Variants in SESTD1 observed in about 807,000 individuals in gnomAD.
SESTD1 encodes SEC14 domain and spectrin repeat-containing protein 1.
SESTD1 carries 43 observed loss-of-function variants against 101.7 expected under a neutral mutation model. The observed-to-expected ratio is 0.42, with a 90% CI of 0.33 to 0.55. The LOEUF is 0.55. SESTD1 is among the 20% of genes least tolerant of loss of function. SESTD1 has a pLI of 0.07. For missense variants in SESTD1, 647 were observed against 815.1 expected (o/e 0.79, Z 2.51); for synonymous variants, 283 against 286.8 (o/e 0.99, Z 0.13).
At position 179,168,080 on chromosome 2, in the gene SESTD1, T is replaced by C. The variant is rs75595181; in HGVS notation, c.369+4040A>G. ...GGTGAGAAAGCACTTCTAAATACAG[T>C]TGACCCTTGAACAACTCAGGACTGA... On this transcript the variant is annotated intron_variant, in intron 5 of 17. Coordinates refer to ENST00000428443, the MANE Select transcript of SESTD1 (RefSeq NM_178123.5). Among the ~76,000 whole-genome samples, 1,300 of 152,254 alleles carry C rather than the reference T, an allele frequency of 8.5e-3. 10 individuals carry two copies. Among genetic ancestry groups the C allele is most frequent in the African/African-American group, 0.029 (1,211 of 41,558 alleles).
rs1165425974 is a variant in SESTD1, at chr2:179,112,764, G to A, written c.1921C>T (p.Leu641Phe). The A allele has an allele frequency of 6.2e-7, 1 of 1,613,116 alleles. No homozygotes were observed. The change falls in exon 17 of 18, where the codon CTT becomes TTT. Residue 641 changes from leucine (L) to phenylalanine (F), a missense_variant. By Grantham distance (22) the Leu-to-Phe change is conservative. Around this residue, in one of 3 missense-constraint regions of SESTD1, gnomAD observed 476 missense variants for 562.6 expected, o/e 0.85. Transcript: ENST00000428443. ...ACTGGAACAGTTAATCTATCCAAAAGTGATTTCCCAACTGCTTCAATTTCA... is the reference window on the plus strand; with the variant it reads ...ACTGGAACAGTTAATCTATCCAAAAATGATTTCCCAACTGCTTCAATTTCA... ...FDEIEAVGKS[L>F]LDRLTVPVVY...
chr2:179,174,497 A>G (rs1005755592), intron 4 of SESTD1: 8 of 457,964 alleles, frequency 1.7e-5, no homozygotes, highest in African/African-American at 1.6e-4. Context: ...AAGGAAGAAC[A>G]CAAGGTCATA....
intron 9 of SESTD1, among the ~76,000 whole-genome samples, chr2:179,142,969 G>A (rs922849098): frequency 3.9e-5 from 6 of 152,094 alleles, no homozygotes; most frequent in Admixed American, 6.6e-5. Flanking sequence ...AAACTAGGAC[G>A]TTTCCAGTTT....
intron 1 of SESTD1, among the ~76,000 whole-genome samples, chr2:179,210,371 A>G (rs1308240899): frequency 7.4e-6 from 1 of 134,440 alleles, no homozygotes; most frequent in Non-Finnish European, 1.6e-5. Flanking sequence ...AGAAAAGGAC[A>G]TAACAAAAAA....
chr2:179,221,514 G>T (rs2046814676), intron 1 of SESTD1, among the ~76,000 whole-genome samples: 1 of 151,918 alleles, frequency 6.6e-6, no homozygotes, highest in Non-Finnish European at 1.5e-5. Context: ...TCGGGAGGCT[G>T]AGGCAGGAGA....
In SESTD1 at chr2:179,134,677, T is replaced by C. The variant is rs2045098211; in HGVS notation, c.850-2251A>G. 3.9e-5 allele frequency among the ~76,000 whole-genome samples: 6 copies of C among 152,312 alleles called. No individual in the cohort carries two copies. In the South Asian group the frequency reaches 1.2e-3, roughly 32 times the overall value. The stretch of plus-strand genomic sequence containing the variant: ...TGGAATGGTTTTCCAATAGAGATCT[T>C]CTTGGGTCCAATGATGATGTAATAC... On this transcript the variant is annotated intron_variant, in intron 9 of 17. Coordinates refer to ENST00000428443, the MANE Select transcript of SESTD1 (RefSeq NM_178123.5).
intron 1 of SESTD1, among the ~76,000 whole-genome samples, chr2:179,220,640 A>T (rs2046801916): frequency 6.6e-6 from 1 of 152,182 alleles, no homozygotes; most frequent in African/African-American, 2.4e-5. Flanking sequence ...AAATTCACCT[A>T]GCTGGGTGAG....
At chr2:179,250,282 A>G (rs1036014043) in intron 1 of SESTD1, among the ~76,000 whole-genome samples, 2 of 152,244 alleles carry the variant, frequency 1.3e-5, no homozygotes, top group African/African-American at 4.8e-5. Context: ...GATGTTCAAC[A>G]TCATCAGCCA....
intron 5 of SESTD1, among the ~76,000 whole-genome samples, chr2:179,160,573 A>G (rs1022205882): frequency 2.6e-5 from 4 of 152,018 alleles, no homozygotes; most frequent in African/African-American, 9.7e-5. Context: ...TAAGTGACCA[A>G]TTGATAGAAA....
intron 1 of SESTD1, among the ~76,000 whole-genome samples, chr2:179,195,143 C>T (rs564266668): frequency 5.3e-5 from 8 of 152,328 alleles, no homozygotes; most frequent in South Asian, 2.1e-4. Flanking sequence ...GACAGGCCAC[C>T]GGATATGGTT....
chr2:179,174,553 A>C lies in SESTD1; in HGVS notation c.255+1895T>G, dbSNP rs1166892578. The stretch of plus-strand genomic sequence containing the variant: ...ATAGTTATTTTAACAACTTTCACAG[A>C]GAAGAGTTAATTCTCAAGGCTTGAA... On this transcript the variant is annotated intron_variant, in intron 4 of 17. Coordinates refer to ENST00000428443, the MANE Select transcript of SESTD1 (RefSeq NM_178123.5). The C allele has an allele frequency of 1.9e-5, 8 of 412,404 alleles. No homozygotes were observed. In the East Asian group the frequency reaches 5.9e-4, roughly 30 times the overall value. The allele number at this position is 412,404 out of a possible 1,614,324, so 25.5% of individuals were successfully genotyped here. A position where few individuals can be genotyped will look rare whatever the true frequency, so the allele number is the denominator to read the frequency against.
At chr2:179,116,368 GATATTAACATCCATTTC>G in intron 15 of SESTD1, among the ~76,000 whole-genome samples, 1 of 152,022 alleles carries the variant, frequency 6.6e-6, no homozygotes, top group East Asian at 1.9e-4. Flanking sequence ...CTTATTTACT[GATATTAACATCCATTTC>G]ATATTAACTT....
chr2:179,147,385 G>A (rs191832149), intron 7 of SESTD1, among the ~76,000 whole-genome samples: 13 of 147,000 alleles, frequency 8.8e-5, no homozygotes, highest in East Asian at 2.0e-4. Context: ...TTTTTGAGAC[G>A]GAGTCTCGCT....
intron 13 of SESTD1, 109 bp from the exon 14 acceptor site, chr2:179,117,722 T>G (rs2044664736): frequency 1.3e-6 from 1 of 766,170 alleles, no homozygotes; most frequent in Admixed American, 3.3e-5. Context: ...TACTTAGTCC[T>G]AAACAATGGA....
intron 1 of SESTD1, among the ~76,000 whole-genome samples, chr2:179,240,195 G>C (rs1033432290): frequency 6.6e-6 from 1 of 152,150 alleles, no homozygotes; most frequent in Admixed American, 6.5e-5. Context: ...AGTTGGAAGA[G>C]GAGAGAAAAG....
intron 1 of SESTD1, among the ~76,000 whole-genome samples, chr2:179,254,348 CT>C (rs1350933035): frequency 1.3e-5 from 2 of 152,134 alleles, no homozygotes; most frequent in African/African-American, 4.8e-5. Flanking sequence ...CTCCTTTCTC[CT>C]TAACGCACTA....
chr2:179,132,102 A>C, intron 10 of SESTD1: 1 of 470,216 alleles, frequency 2.1e-6, no homozygotes, highest in Non-Finnish European at 3.6e-6. Flanking sequence ...ATTAAACTGC[A>C]TTAGAGACAA....
At chr2:179,246,254 C>CAAAAAAAAAA in intron 1 of SESTD1, among the ~76,000 whole-genome samples, 1 of 73,706 alleles carries the variant, frequency 1.4e-5, no homozygotes, top group Non-Finnish European at 2.5e-5. Flanking sequence ...GACTCCATCT[C>CAAAAAAAAAA]AAAAAAAAAA....
Position 179,109,394 on chromosome 2 carries a change from T to G in SESTD1, c.*505A>C, listed in dbSNP as rs190047046. 7.7e-5 allele frequency: 20 copies of G among 258,890 alleles called. No homozygotes were observed. Among genetic ancestry groups the G allele is most frequent in the African/African-American group, 4.2e-4 (19 of 45,764 alleles). The allele number at this position is 258,890 out of a possible 1,614,324, so 16.0% of individuals were successfully genotyped here. On this transcript the variant is annotated 3_prime_UTR_variant, in exon 18 of 18. Coordinates refer to ENST00000428443, the MANE Select transcript of SESTD1 (RefSeq NM_178123.5). ...AAAAGGTCTTTTAATGACTATGATA[T>G]ATCAAAGATCTGAAAGGCTTTCTCT... is the stretch of plus-strand genomic sequence containing the variant.
Sources: gnomAD v4.1 joint callset for allele counts (sites outside exome capture counted in the v4.1 genomes callset) on GRCh38, gnomAD v4.1.1 for gene constraint, gnomAD v4.1.1 regional missense constraint, MANE v1.5 for transcripts, NCBI Gene and HGNC (gene_info 2026-07-23, HGNC 2026-07-21) for gene names.